The following GOLGA5 variants were observed in gnomAD, a reference collection of about 807,000 sequenced individuals.
The protein encoded by GOLGA5 is golgin A5, also known as golgin subfamily A member 5.
A neutral mutation model predicts 93.5 loss-of-function variants in GOLGA5; 50 were observed. That is an observed-to-expected ratio of 0.53 (90% CI 0.43 to 0.68). The LOEUF (loss-of-function observed/expected upper bound fraction) is 0.68. GOLGA5 is among the 30% of genes least tolerant of loss of function. The probability of loss-of-function intolerance (pLI) is 0.00; values close to 1 mark genes in which losing one functional copy is unlikely to be tolerated. For missense variants in GOLGA5, 760 were observed against 856.4 expected (o/e 0.89, Z 1.40); for synonymous variants, 312 against 304.5 (o/e 1.02, Z -0.26).
In GOLGA5 at chr14:92,837,567, T is replaced by C. The variant is rs554181592; in HGVS notation, c.2115+118T>C. On this transcript the variant is annotated intron_variant, in intron 12 of 12. Coordinates refer to ENST00000163416, the MANE Select transcript of GOLGA5 (RefSeq NM_005113.4). Reference sequence around the variant, plus strand: ...TGATATTTTAGCAATCAATCAATTTTTTTTTGTTTTTTTTGAAACAGGGTC... The same window carrying C: ...TGATATTTTAGCAATCAATCAATTTCTTTTTGTTTTTTTTGAAACAGGGTC... 8 of 637,120 alleles carry C rather than the reference T, an allele frequency of 1.3e-5. No individual in the cohort carries two copies. The African/African-American group carries it at 1.5e-4, about 12-fold the overall frequency. 39.5% of individuals were successfully genotyped at this position (637,120 alleles called of 1,614,324 possible).
At position 92,826,326 on chromosome 14, in the gene GOLGA5, A is replaced by G. The variant is rs1885420973; in HGVS notation, c.1719+1682A>G. Among the ~76,000 whole-genome samples the G allele has an allele frequency of 2.0e-5, 3 of 152,156 alleles. No homozygotes were observed. The South Asian group carries it at 6.2e-4, about 32-fold the overall frequency. ...AAAAATCACACAATTGGAGTGAGTTAAGATTTATTCTGAATGAACAATAAA... is the reference window on the plus strand; with the variant it reads ...AAAAATCACACAATTGGAGTGAGTTGAGATTTATTCTGAATGAACAATAAA... On this transcript the variant is annotated intron_variant, in intron 9 of 12. Coordinates refer to ENST00000163416, the MANE Select transcript of GOLGA5 (RefSeq NM_005113.4).
intron 3 of GOLGA5, among the ~76,000 whole-genome samples, chr14:92,808,890 A>G (rs999270533): frequency 6.6e-6 from 1 of 152,200 alleles, no homozygotes; most frequent in African/African-American, 2.4e-5. Context: ...TTGCAACAGT[A>G]ATTGAAAGCA....
Position 92,797,791 on chromosome 14 carries a change from T to A in GOLGA5, c.354T>A (p.Pro118=). 1.2e-6 allele frequency: 2 copies of A among 1,613,834 alleles called. No homozygotes were observed. Among genetic ancestry groups the A allele is most frequent in the Non-Finnish European group, 1.7e-6 (2 of 1,179,888 alleles). The change falls in exon 2 of 13, where the codon CCT becomes CCA. Residue 118 remains proline, a synonymous_variant. Transcript: ENST00000163416. ...TTGTGCGAAGAAAAAAGTCAGAACC[T>A]GATGATGAGCTGCTGTTTGATTTTC... ...SHFVRRKKSE[P]DDELLFDFLN... is the part of the protein sequence containing the mutation.
Position 92,809,375 on chromosome 14 carries a change from T to G in GOLGA5, c.848T>G (p.Leu283Arg). The change falls in exon 4 of 13, where the codon CTC (leucine) becomes CGC (arginine). Residue 283 changes from leucine to arginine, a missense_variant. Transcript: ENST00000163416. ...AAGAGTGATCGAATGACTCGAGGAC[T>G]CCGAGCCCAAGTAGATGACCTGACT... ...HSKSDRMTRG[L>R]RAQVDDLTEA... 1 of 1,613,524 alleles carries G rather than the reference T, an allele frequency of 6.2e-7. No individual in the cohort carries two copies. Among genetic ancestry groups the G allele is most frequent in the Non-Finnish European group, 8.5e-7 (1 of 1,179,486 alleles).
At position 92,797,857 on chromosome 14, in the gene GOLGA5, C is replaced by G; in HGVS notation, c.420C>G (p.Ile140Met). The G allele has an allele frequency of 1.9e-6, 3 of 1,613,604 alleles. No homozygotes were observed. Among genetic ancestry groups the G allele is most frequent in the Non-Finnish European group, 2.5e-6 (3 of 1,179,698 alleles). Residue 140 changes from isoleucine to methionine, a missense_variant, in exon 2 of 13, where the codon ATC (isoleucine) becomes ATG (methionine). Physicochemically the swap from Ile to Met is conservative, Grantham distance 10. Coordinates refer to ENST00000163416, the MANE Select transcript of GOLGA5 (RefSeq NM_005113.4). ...AGGAGCCTACCGGGAGGGTGGAAAT[C>G]AGAAAGGAAAAAGGCAAGACACCTG... is the stretch of plus-strand genomic sequence containing the variant. ...SQKEPTGRVE[I>M]RKEKGKTPVF...
At position 92,811,535 on chromosome 14, in the gene GOLGA5, T is replaced by C. The variant is rs752736005; in HGVS notation, c.1117-16T>C. 10 of 1,525,154 alleles carry C rather than the reference T, an allele frequency of 6.6e-6. No homozygotes were observed. In the African/African-American group the frequency reaches 1.1e-4, roughly 17 times the overall value. 94.5% of individuals were successfully genotyped at this position (1,525,154 alleles called of 1,614,324 possible). A position where few individuals can be genotyped will look rare whatever the true frequency, so the allele number is the denominator to read the frequency against. On this transcript the variant is annotated splice_polypyrimidine_tract_variant and intron_variant, in intron 5 of 12. Coordinates refer to ENST00000163416, the MANE Select transcript of GOLGA5 (RefSeq NM_005113.4). ...CTAAATGATATCATTAATTATGATA[T>C]AAAAATTTGTCACAGAGCGAGTTTG...
At chr14:92,816,552 T>TCTTCCTCCTCCTCTTCC (rs1885212889) in intron 7 of GOLGA5, 131 bp downstream of exon 7, 1 of 667,632 alleles carries the variant, frequency 1.5e-6, no homozygotes, top group Non-Finnish European at 2.5e-6. Flanking sequence ...GCTTCTCTTC[T>TCTTCCTCCTCCTCTTCC]CTTCCTCCTC....
chr14:92,796,656 T>C (rs546010191), intron 1 of GOLGA5, among the ~76,000 whole-genome samples: 2 of 152,214 alleles, frequency 1.3e-5, no homozygotes, highest in South Asian at 4.1e-4. Context: ...GTTCAGCCCA[T>C]AACAGATGCT....
At chr14:92,821,458 A>G (rs894805736) in intron 8 of GOLGA5, among the ~76,000 whole-genome samples, 10 of 152,196 alleles carry the variant, frequency 6.6e-5, no homozygotes, top group African/African-American at 9.6e-5. Flanking sequence ...ATAAGATTCT[A>G]TATCTAATGT....
rs150694057 is a variant in GOLGA5, at chr14:92,837,420, A to T, written c.2086A>T (p.Ile696Leu). Residue 696 changes from isoleucine (I) to leucine (L), a missense_variant, in exon 12 of 13, where the codon ATA becomes TTA. Coordinates refer to ENST00000163416, the MANE Select transcript of GOLGA5 (RefSeq NM_005113.4). Reference protein sequence around the residue: ...RLGIFLRRYPIARVFVIIYMA... With the variant: ...RLGIFLRRYPLARVFVIIYMA... ...GGGAATTTTTCTCCGAAGATACCCC[A>T]TAGCGCGAGTTTTTGTAATTATATA... 3 of 1,540,728 alleles carry T rather than the reference A, an allele frequency of 1.9e-6. No individual in the cohort carries two copies. Among genetic ancestry groups the T allele is most frequent in the Non-Finnish European group, 2.7e-6 (3 of 1,113,776 alleles).
intron 9 of GOLGA5, 83 bp downstream of exon 9, chr14:92,824,727 C>T (rs1885382135): frequency 1.4e-6 from 1 of 711,800 alleles, no homozygotes. Flanking sequence ...AAGAACTTTC[C>T]CCGTGTTTTC....
intron 1 of GOLGA5, among the ~76,000 whole-genome samples, chr14:92,795,333 T>G (rs936557286): frequency 2.9e-4 from 44 of 152,246 alleles, no homozygotes; most frequent in African/African-American, 9.4e-4. Flanking sequence ...TAGTCACATG[T>G]GTAAAGAACA....
chr14:92,814,533 T>A (rs748341706), intron 6 of GOLGA5, among the ~76,000 whole-genome samples: 3 of 151,928 alleles, frequency 2.0e-5, no homozygotes, highest in Non-Finnish European at 4.4e-5. Flanking sequence ...AGTAGCTAGA[T>A]GGGGGAATGA....
chr14:92,797,689 G>C lies in GOLGA5; in HGVS notation c.252G>C (p.Val84=). ...CCATCTTAGCTGGCACTGCAAATGT[G>C]AAAGTAGGATCTCGGACACCAGTAG... ...KATILAGTAN[V]KVGSRTPVEA... Residue 84 remains valine (V), a synonymous_variant, in exon 2 of 13, where the codon GTG becomes GTC. Coordinates refer to ENST00000163416, the MANE Select transcript of GOLGA5 (RefSeq NM_005113.4). 1.2e-6 allele frequency: 2 copies of C among 1,614,150 alleles called. No homozygotes were observed. The highest frequency in any genetic ancestry group is 1.7e-6 in the Non-Finnish European group (2 of 1,179,988).
rs1292463206 is a variant in GOLGA5 at position 92,833,260 on chromosome 14, G to A, written c.1858G>A (p.Glu620Lys). ...AAAGAACTCCCTGGTCTTTCAACTG[G>A]AGCGCCTCGAACAGCAGATGAACTC... ...TEKNSLVFQL[E>K]RLEQQMNSAS... The change falls in exon 10 of 13, where the codon GAG (glutamate) becomes AAG (lysine). Residue 620 changes from glutamate to lysine, a missense_variant. Glu to Lys is a moderately conservative substitution (Grantham distance 56, BLOSUM62 1). Coordinates refer to ENST00000163416, the MANE Select transcript of GOLGA5 (RefSeq NM_005113.4). The A allele has an allele frequency of 1.9e-6, 3 of 1,613,826 alleles. No individual in the cohort carries two copies. The Admixed American group carries it at 5.0e-5, about 27-fold the overall frequency.
chr14:92,830,889 C>T (rs767833541), intron 9 of GOLGA5, among the ~76,000 whole-genome samples: 1 of 152,132 alleles, frequency 6.6e-6, no homozygotes, highest in Non-Finnish European at 1.5e-5. Flanking sequence ...CGTGAGTCAC[C>T]ACACCTGGCC....
chr14:92,827,013 A>C (rs147678390), intron 9 of GOLGA5, among the ~76,000 whole-genome samples: 485 of 152,308 alleles, frequency 3.2e-3, no homozygotes, highest in Middle Eastern at 0.014. Context: ...AAAAACAGGT[A>C]AGCCACAGAT....
intron 8 of GOLGA5, among the ~76,000 whole-genome samples, chr14:92,822,496 G>A (rs1885335873): frequency 6.6e-6 from 1 of 152,330 alleles, no homozygotes; most frequent in African/African-American, 2.4e-5. Context: ...GTGATCCATT[G>A]TACAAACGAG....
At chr14:92,825,990 TA>T (rs796461655) in intron 9 of GOLGA5, among the ~76,000 whole-genome samples, 1 of 151,888 alleles carries the variant, frequency 6.6e-6, no homozygotes, top group African/African-American at 2.4e-5. Context: ...CCATCATCTC[TA>T]AAAAAATATT....
Sources: gnomAD v4.1 joint callset for allele counts (sites outside exome capture counted in the v4.1 genomes callset) on GRCh38, gnomAD v4.1.1 for gene constraint, MANE v1.5 for transcripts, NCBI Gene and HGNC (gene_info 2026-07-23, HGNC 2026-07-21) for gene names.